Variants in COPS3 observed in about 807,000 individuals in gnomAD.
The protein encoded by COPS3 is COP9 signalosome complex subunit 3.
Under a neutral mutation model 58.2 loss-of-function variants are expected in COPS3, and 10 were observed. The ratio of observed to expected loss-of-function variants is 0.17; its 90% confidence interval spans 0.11 to 0.29. The LOEUF (loss-of-function observed/expected upper bound fraction) is 0.29, where lower values mean the gene tolerates loss of function less well. Among genes scored for constraint, COPS3 ranks in the 10% least tolerant of loss-of-function variants. The pLI, the probability that COPS3 is intolerant of heterozygous loss-of-function variation, is 1.00. For synonymous variants in COPS3, 187 were observed against 181.7 expected (o/e 1.03, Z -0.24); for missense variants, 333 against 510.1 (o/e 0.65, Z 3.34).
intron 5 of COPS3, among the ~76,000 whole-genome samples, chr17:17,266,443 GA>G (rs1215245155): frequency 1.3e-5 from 2 of 152,136 alleles, no homozygotes; most frequent in South Asian, 4.1e-4. Flanking sequence ...AACAGAATGG[GA>G]AGGAGACTTC....
chr17:17,260,538 T>C, intron 7 of COPS3, 64 bp from the exon 8 acceptor site: 1 of 1,502,606 alleles, frequency 6.7e-7, no homozygotes, highest in Non-Finnish European at 9.2e-7. Flanking sequence ...GTGTGGGGAC[T>C]CACGCCTGTA....
chr17:17,276,082 G>C lies in COPS3; in HGVS notation c.138C>G (p.Leu46=), dbSNP rs776864984. ...AKNLSHLDTV[L]GALDVQEHSL... is the part of the protein sequence containing the mutation. ...AGTGTTCTTGTACATCCAGAGCCCC[G>C]AGCACAGTGTCCAGATGGGATAAGT... The change falls in exon 2 of 12, where the codon CTC becomes CTG. Residue 46 remains leucine, a synonymous_variant. Transcript: ENST00000268717. The C allele has an allele frequency of 3.1e-6, 5 of 1,613,942 alleles. No individual in the cohort carries two copies. In the African/African-American group the frequency reaches 4.0e-5, roughly 13 times the overall value.
chr17:17,279,693 G>A (rs1003815842), intron 1 of COPS3, among the ~76,000 whole-genome samples: 67 of 152,210 alleles, frequency 4.4e-4, no homozygotes, highest in African/African-American at 1.6e-3. Flanking sequence ...AATTAATGAC[G>A]GTAACAATAA....
intron 6 of COPS3, among the ~76,000 whole-genome samples, chr17:17,262,899 TTCTTG>T (rs1182300643): frequency 6.6e-6 from 1 of 151,518 alleles, no homozygotes; most frequent in South Asian, 2.1e-4. Context: ...CCTGGCCACT[TTCTTG>T]TCTTTTTATT....
At chr17:17,255,052 A>G in intron 8 of COPS3, 107 bp from the exon 9 acceptor site, 1 of 711,134 alleles carries the variant, frequency 1.4e-6, no homozygotes, top group East Asian at 2.9e-5. Flanking sequence ...CTGTAATCCC[A>G]GCACTTTGGG....
At chr17:17,268,355 G>A (rs2048272655) in intron 4 of COPS3, among the ~76,000 whole-genome samples, 2 of 152,130 alleles carry the variant, frequency 1.3e-5, no homozygotes, top group South Asian at 2.1e-4. Flanking sequence ...AATTACTTGT[G>A]GCTAAGGGTG....
rs535814304 is a variant in COPS3 at position 17,249,792 on chromosome 17, A to T, written c.1024-753T>A. Among the ~76,000 whole-genome samples the T allele has an allele frequency of 1.5e-4, 23 of 151,878 alleles. 1 individual carries two copies. The highest frequency in any genetic ancestry group is 5.6e-4 in the African/African-American group (23 of 41,424). Reference sequence around the variant, plus strand: ...CAGGCGTAAGCCACCGCGCCCAGCCATTTTTTTGTATTTTTAATAAACACG... The same window carrying T: ...CAGGCGTAAGCCACCGCGCCCAGCCTTTTTTTTGTATTTTTAATAAACACG... On this transcript the variant is annotated intron_variant, in intron 9 of 11. Coordinates refer to ENST00000268717, the MANE Select transcript of COPS3 (RefSeq NM_003653.4).
At position 17,254,703 on chromosome 17, in the gene COPS3, G is replaced by A. The variant is rs188112901; in HGVS notation, c.1023+156C>T. ...GCGCATGCCTGTAGTCCCAGCTCTCGGGAGGCTGAGGCAAGAGAATCACTT... is the reference window on the plus strand; with the variant it reads ...GCGCATGCCTGTAGTCCCAGCTCTCAGGAGGCTGAGGCAAGAGAATCACTT... On this transcript the variant is annotated intron_variant, in intron 9 of 11. Transcript: ENST00000268717. Among the ~76,000 whole-genome samples the A allele has an allele frequency of 9.3e-4, 141 of 151,634 alleles. 2 individuals are homozygous for A. In the East Asian group the frequency reaches 0.018, roughly 20 times the overall value.
intron 8 of COPS3, among the ~76,000 whole-genome samples, chr17:17,259,031 C>T (rs2048037592): frequency 6.6e-6 from 1 of 152,082 alleles, no homozygotes; most frequent in Admixed American, 6.6e-5. Context: ...CAACGGCCAC[C>T]CCGACCCACC....
At chr17:17,270,552 G>A (rs908107475) in intron 4 of COPS3, among the ~76,000 whole-genome samples, 3 of 151,978 alleles carry the variant, frequency 2.0e-5, no homozygotes, top group Non-Finnish European at 4.4e-5. Context: ...CCTCCCTGAG[G>A]TGCCAAACCA....
At chr17:17,261,756 G>T in intron 7 of COPS3, 1 of 498,430 alleles carries the variant, frequency 2.0e-6, no homozygotes. Context: ...TAAGTATCTA[G>T]AGCACAAGTT....
intron 4 of COPS3, chr17:17,268,189 C>T: frequency 1.9e-6 from 1 of 537,708 alleles, no homozygotes; most frequent in Admixed American, 3.8e-5. Context: ...TAACTCAGCA[C>T]CATTTTTTAA....
At chr17:17,247,968 T>A (rs1180571499) in intron 10 of COPS3, 5 of 155,958 alleles carry the variant, frequency 3.2e-5, no homozygotes, top group African/African-American at 1.2e-4. Context: ...CCCACAAAAC[T>A]CCCCCTTCAG....
intron 1 of COPS3, among the ~76,000 whole-genome samples, chr17:17,280,347 G>A (rs1025861243): frequency 5.3e-5 from 8 of 151,788 alleles, no homozygotes; most frequent in African/African-American, 1.9e-4. Flanking sequence ...AGGTTGAGGT[G>A]AGCCGAGACC....
At chr17:17,281,077 T>TC in intron 1 of COPS3, 55 bp downstream of exon 1, 1 of 1,561,272 alleles carries the variant, frequency 6.4e-7, no homozygotes, top group South Asian at 1.1e-5. Context: ...CGCCTGGGGA[T>TC]CCAGGCCAGT....
chr17:17,270,942 G>A lies in COPS3; in HGVS notation c.252C>T (p.Phe84=), dbSNP rs1404339596. The change falls in exon 3 of 12, where the codon TTC becomes TTT. Residue 84 remains phenylalanine (F), a synonymous_variant. Coordinates refer to ENST00000268717, the MANE Select transcript of COPS3 (RefSeq NM_003653.4). ...TGTGCTCCCCATTACAAGTGCTGATGAAGAGCTGAACCTGTGAGAATAGCG... is the reference window on the plus strand; with the variant it reads ...TGTGCTCCCCATTACAAGTGCTGATAAAGAGCTGAACCTGTGAGAATAGCG... ...FETLFSQVQL[F]ISTCNGEHIR... 6.2e-7 allele frequency: 1 copy of A among 1,614,020 alleles called. No homozygotes were observed. The highest frequency in any genetic ancestry group is 1.1e-5 in the South Asian group (1 of 91,074).
intron 1 of COPS3, chr17:17,280,540 A>G: frequency 1.7e-6 from 2 of 1,200,738 alleles, no homozygotes; most frequent in Middle Eastern, 5.7e-4. Context: ...AGCCTCGGCT[A>G]AAAAAAAACA....
At chr17:17,266,756 G>A (rs910146398) in intron 5 of COPS3, among the ~76,000 whole-genome samples, 4 of 151,760 alleles carry the variant, frequency 2.6e-5, no homozygotes, top group African/African-American at 9.7e-5. Context: ...CCTAGATCAT[G>A]CCACTGCACT....
At position 17,260,289 on chromosome 17, in the gene COPS3, C is replaced by T. The variant is rs998402570; in HGVS notation, c.936+12G>A. 5.0e-6 allele frequency: 8 copies of T among 1,611,684 alleles called. No homozygotes were observed. Among genetic ancestry groups the T allele is most frequent in the Non-Finnish European group, 6.8e-6 (8 of 1,178,248 alleles). ...GTCAGGAGCTGCCCTGTGAAGGTGG[C>T]ACTTTCCTCACCTTTGTTAGCCTCT... On this transcript the variant is annotated intron_variant, in intron 8 of 11. Coordinates refer to ENST00000268717, the MANE Select transcript of COPS3 (RefSeq NM_003653.4).
Sources: gnomAD v4.1 joint callset for allele counts (sites outside exome capture counted in the v4.1 genomes callset) on GRCh38, gnomAD v4.1.1 for gene constraint, MANE v1.5 for transcripts, NCBI Gene and HGNC (gene_info 2026-07-23, HGNC 2026-07-21) for gene names.